The following CAST variants were observed in gnomAD, a reference collection of about 807,000 sequenced individuals.
CAST encodes the protein MIR583 host.
A neutral mutation model predicts 119.6 loss-of-function variants in CAST; 76 were observed. That is an observed-to-expected ratio of 0.64 (90% CI 0.53 to 0.77). CAST has a LOEUF of 0.77. Ranked by LOEUF, CAST falls within the 30% of genes least tolerant of loss-of-function variation. The probability of loss-of-function intolerance (pLI) is 0.00; values close to 1 mark genes in which losing one functional copy is unlikely to be tolerated. For synonymous variants in CAST, 319 were observed against 331.6 expected, an observed-to-expected ratio of 0.96 and a Z score of 0.41; for missense variants, 953 against 946.5, an observed-to-expected ratio of 1.01 and a Z score of -0.09.
chr5:96,219,006 G>A, the CAST span, among the ~76,000 whole-genome samples: 1 of 152,100 alleles, frequency 6.6e-6, no homozygotes, highest in East Asian at 1.9e-4. Context: ...CCTATCTTAG[G>A]GGCATTGTGA....
the CAST span, among the ~76,000 whole-genome samples, chr5:96,232,140 T>G: frequency 6.6e-6 from 1 of 152,092 alleles, no homozygotes; most frequent in African/African-American, 2.4e-5. Flanking sequence ...GGGGTCAATT[T>G]CCATCAGAAT....
At chr5:96,447,618 T>C in the CAST span, among the ~76,000 whole-genome samples, 1 of 152,206 alleles carries the variant, frequency 6.6e-6, no homozygotes, top group Non-Finnish European at 1.5e-5. Context: ...TGAGGAATAA[T>C]TTGACTGGGT....
chr5:96,578,155 T>C (rs1335094431), intron 1 of CAST, among the ~76,000 whole-genome samples: 6 of 152,180 alleles, frequency 3.9e-5, no homozygotes, highest in South Asian at 2.1e-4. Context: ...AGTGAACTAA[T>C]TCTTTTATCA....
At chr5:96,282,581 G>T in the CAST span, among the ~76,000 whole-genome samples, 5 of 151,644 alleles carry the variant, frequency 3.3e-5, no homozygotes, top group African/African-American at 4.9e-5. Flanking sequence ...ACTAGGAAGG[G>T]TTTTTATTTT....
intron 1 of CAST, chr5:96,663,075 G>C (rs891716459): frequency 1.4e-6 from 1 of 701,754 alleles, no homozygotes; most frequent in Non-Finnish European, 2.6e-6. Flanking sequence ...CGCCTCCAAC[G>C]CAACACCCCG....
the CAST span, among the ~76,000 whole-genome samples, chr5:96,363,888 A>G: frequency 6.6e-5 from 10 of 152,196 alleles, no homozygotes; most frequent in African/African-American, 1.9e-4. Context: ...GAGTGTTGAG[A>G]GAGGGCATCC....
chr5:96,296,228 G>T, the CAST span, among the ~76,000 whole-genome samples: 1 of 152,098 alleles, frequency 6.6e-6, no homozygotes, highest in Admixed American at 6.6e-5. Context: ...CTCCGGCCTG[G>T]TTAGATCCTC....
At chr5:96,321,790 C>T in the CAST span, among the ~76,000 whole-genome samples, 4 of 152,216 alleles carry the variant, frequency 2.6e-5, no homozygotes, top group Admixed American at 2.0e-4. Context: ...GTAAGCATGA[C>T]ATACAGATGT....
the CAST span, among the ~76,000 whole-genome samples, chr5:96,487,037 C>A: frequency 6.6e-6 from 1 of 152,348 alleles, no homozygotes; most frequent in Admixed American, 6.5e-5. Flanking sequence ...ACTCCTTCCC[C>A]CCATGGGGCA....
chr5:96,395,658 G>A, the CAST span, among the ~76,000 whole-genome samples: 1 of 152,164 alleles, frequency 6.6e-6, no homozygotes, highest in Non-Finnish European at 1.5e-5. Flanking sequence ...GGGGGCAAGG[G>A]GAGGGATAGC....
At chr5:96,666,607 G>GCATA (rs1395174936) in intron 1 of CAST, among the ~76,000 whole-genome samples, 1 of 152,198 alleles carries the variant, frequency 6.6e-6, no homozygotes, top group Non-Finnish European at 1.5e-5. Context: ...TGCAAAAAGG[G>GCATA]CATAGACTTT....
chr5:96,618,352 C>T (rs761621049), intron 1 of CAST, among the ~76,000 whole-genome samples: 5 of 152,228 alleles, frequency 3.3e-5, no homozygotes, highest in Admixed American at 6.5e-5. Context: ...GATGTGACAA[C>T]GTGCTAGCAG....
the CAST span, chr5:96,399,070 T>C: frequency 1.6e-4 from 237 of 1,525,698 alleles, no homozygotes; most frequent in Non-Finnish European, 2.1e-4. Context: ...TTGAATAAAG[T>C]ATATCCAAAC....
intron 2 of CAST, among the ~76,000 whole-genome samples, chr5:96,677,956 G>A (rs1284502711): frequency 6.6e-6 from 1 of 152,136 alleles, no homozygotes; most frequent in African/African-American, 2.4e-5. Flanking sequence ...CTGTCTCAAA[G>A]GGCCTCATTC....
chr5:96,183,238 G>A, the CAST span, among the ~76,000 whole-genome samples: 2 of 150,088 alleles, frequency 1.3e-5, no homozygotes, highest in African/African-American at 4.9e-5. Flanking sequence ...AAGCAAGATA[G>A]TACATATTTT....
chr5:96,481,108 AGTTTTTT>A, the CAST span, among the ~76,000 whole-genome samples: 1 of 136,468 alleles, frequency 7.3e-6, no homozygotes, highest in South Asian at 2.2e-4. Context: ...TCTCAATCAA[AGTTTTTT>A]TTTTTTTTAA....
At chr5:96,419,801 A>G in the CAST span, among the ~76,000 whole-genome samples, 1 of 152,086 alleles carries the variant, frequency 6.6e-6, no homozygotes, top group African/African-American at 2.4e-5. Context: ...ATATTCATAT[A>G]TATAAAACAA....
intron 5 of CAST, 123 bp downstream of exon 5, chr5:96,726,982 T>G: frequency 1.4e-6 from 1 of 695,722 alleles, no homozygotes; most frequent in Non-Finnish European, 2.5e-6. Flanking sequence ...ATGGACTTTC[T>G]GTAGGCTTAG....
chr5:96,015,586 A>C, the CAST span, among the ~76,000 whole-genome samples: 2 of 152,132 alleles, frequency 1.3e-5, no homozygotes, highest in Non-Finnish European at 2.9e-5. Context: ...ACAGATAAGG[A>C]AATTGAAGCT....
Sources: gnomAD v4.1 joint callset for allele counts (sites outside exome capture counted in the v4.1 genomes callset) on GRCh38, gnomAD v4.1.1 for gene constraint, MANE v1.5 for transcripts, NCBI Gene and HGNC (gene_info 2026-07-23, HGNC 2026-07-21) for gene names.